Variants in OR51B5 observed in about 807,000 individuals in gnomAD.
OR51B5 encodes olfactory receptor 51B5.
For missense variants in OR51B5, 456 were observed against 374.6 expected, an observed-to-expected ratio of 1.22 and a Z score of -1.79; for synonymous variants, 186 against 144.8, an observed-to-expected ratio of 1.28 and a Z score of -2.04.
chr11:5,369,831 G>A (rs574857388), intron 1 of OR51B5, among the ~76,000 whole-genome samples: 1 of 152,264 alleles, frequency 6.6e-6, no homozygotes, highest in South Asian at 2.1e-4. Context: ...GCATTTTTGT[G>A]TTACAGTGAA....
chr11:5,462,631 T>C (rs1407565533), intron 1 of OR51B5, among the ~76,000 whole-genome samples: 2 of 152,218 alleles, frequency 1.3e-5, no homozygotes. Context: ...ATCCTCTGAG[T>C]TGAGTAATGT....
At chr11:5,388,023 G>A (rs1849727361) in intron 1 of OR51B5, among the ~76,000 whole-genome samples, 1 of 151,900 alleles carries the variant, frequency 6.6e-6, no homozygotes, top group South Asian at 2.1e-4. Context: ...AATTACTTTT[G>A]CACCAACCTA....
chr11:5,403,522 T>C (rs961970676), intron 1 of OR51B5: 3 of 471,436 alleles, frequency 6.4e-6, no homozygotes, highest in Non-Finnish European at 1.3e-5. Context: ...GTCCGAATGC[T>C]ATTAGAGAAA....
intron 1 of OR51B5, among the ~76,000 whole-genome samples, chr11:5,413,392 A>C (rs187557303): frequency 1.8e-3 from 276 of 152,332 alleles, no homozygotes; most frequent in African/African-American, 6.3e-3. Context: ...TCCTCCTCCA[A>C]AGGAATGCAG....
chr11:5,453,636 C>T lies in OR51B5; in HGVS notation n.84+51933G>A, dbSNP rs145725236. The T allele has an allele frequency of 2.4e-5, 38 of 1,613,490 alleles. No individual in the cohort carries two copies. The East Asian group carries it at 4.9e-4, about 21-fold the overall frequency. The stretch of plus-strand genomic sequence containing the variant: ...AAATACAGTGATCCTGCAGGCTGTG[C>T]GAGTGGAGCCCAGCCTCCATGAGCC... On this transcript the variant is annotated intron_variant and non_coding_transcript_variant, in intron 1 of 4. Coordinates refer to the OR51B5 transcript ENST00000415970.
chr11:5,389,054 TAAATG>T (rs1246300228), intron 1 of OR51B5, among the ~76,000 whole-genome samples: 12 of 152,180 alleles, frequency 7.9e-5, no homozygotes, highest in Admixed American at 7.9e-4. Flanking sequence ...ATATGGATGG[TAAATG>T]AAATCATGGT....
intron 1 of OR51B5, among the ~76,000 whole-genome samples, chr11:5,498,027 T>TC (rs1162584392): frequency 6.6e-6 from 1 of 152,170 alleles, no homozygotes; most frequent in African/African-American, 2.4e-5. Context: ...GGTCTTCCAC[T>TC]CCCACCTGCC....
intron 1 of OR51B5, chr11:5,449,482 A>G: frequency 6.6e-6 from 1 of 152,556 alleles, no homozygotes; most frequent in Non-Finnish European, 1.5e-5. Context: ...GGTGGAGGGT[A>G]TCTGATAGAA....
intron 1 of OR51B5, among the ~76,000 whole-genome samples, chr11:5,405,917 G>T (rs1204689730): frequency 6.6e-6 from 1 of 152,132 alleles, no homozygotes; most frequent in Non-Finnish European, 1.5e-5. Flanking sequence ...ATTATCAATG[G>T]AAACCAAGCA....
chr11:5,471,196 G>GTA (rs1242960513), intron 1 of OR51B5, among the ~76,000 whole-genome samples: 4 of 152,068 alleles, frequency 2.6e-5, no homozygotes, highest in Non-Finnish European at 5.9e-5. Context: ...TATTTGATTA[G>GTA]TATCTTTGTT....
chr11:5,466,092 G>T (rs945484706), intron 1 of OR51B5, among the ~76,000 whole-genome samples: 6 of 152,110 alleles, frequency 3.9e-5, no homozygotes, highest in African/African-American at 1.4e-4. Context: ...AATCTACAAT[G>T]AACTCAAACA....
chr11:5,483,299 C>A (rs3964493), intron 1 of OR51B5, among the ~76,000 whole-genome samples: 8 of 127,354 alleles, frequency 6.3e-5, no homozygotes, highest in African/African-American at 2.4e-4. Flanking sequence ...TAGGTGGGAA[C>A]TGAACAATGA....
intron 1 of OR51B5, chr11:5,422,986 G>C (rs761659002): frequency 1.2e-6 from 2 of 1,614,064 alleles, no homozygotes; most frequent in South Asian, 1.1e-5. Flanking sequence ...GTGTATCTAT[G>C]ACTCATCGCT....
chr11:5,440,538 T>A (rs1313021447), intron 1 of OR51B5: 1 of 1,526,638 alleles, frequency 6.6e-7, no homozygotes, highest in African/African-American at 1.4e-5. Context: ...CAATCCTTCC[T>A]CCAAAGGAGC....
chr11:5,431,179 C>T (rs913805557), intron 1 of OR51B5: 11 of 368,918 alleles, frequency 3.0e-5, no homozygotes, highest in Admixed American at 2.1e-4. Flanking sequence ...GCAGATAATA[C>T]GGGGCAGGGT....
At chr11:5,370,825 A>C (rs1055580798) in intron 1 of OR51B5, among the ~76,000 whole-genome samples, 38 of 152,190 alleles carry the variant, frequency 2.5e-4, no homozygotes, top group African/African-American at 9.2e-4. Flanking sequence ...AGAATAACAA[A>C]ATTTATGTAA....
chr11:5,396,290 G>A (rs1406165041), intron 1 of OR51B5, among the ~76,000 whole-genome samples: 1 of 152,204 alleles, frequency 6.6e-6, no homozygotes. Context: ...GTCCCTGTTT[G>A]CAGATGACGT....
At chr11:5,356,734 G>C (rs1481767101) in intron 1 of OR51B5, among the ~76,000 whole-genome samples, 1 of 124,926 alleles carries the variant, frequency 8.0e-6, no homozygotes, top group Non-Finnish European at 1.8e-5. Context: ...GAGAAAGGTC[G>C]GGTTACCCAC....
chr11:5,403,243 T>C (rs550325295), intron 1 of OR51B5: 24 of 471,506 alleles, frequency 5.1e-5, no homozygotes, highest in South Asian at 2.8e-4. Context: ...TCGTTGCTGA[T>C]TGTGATCTCC....
Sources: gnomAD v4.1 joint callset for allele counts (sites outside exome capture counted in the v4.1 genomes callset) on GRCh38, gnomAD v4.1.1 for gene constraint, MANE v1.5 for transcripts, NCBI Gene and HGNC (gene_info 2026-07-23, HGNC 2026-07-21) for gene names.